The following CNTNAP2 variants were observed in gnomAD, a reference collection of about 807,000 sequenced individuals.
CNTNAP2 encodes the protein contactin associated protein 2.
A neutral mutation model predicts 155.2 loss-of-function variants in CNTNAP2; 98 were observed. That is an observed-to-expected ratio of 0.63 (90% CI 0.54 to 0.75). The LOEUF (loss-of-function observed/expected upper bound fraction) is 0.75, where lower values mean the gene tolerates loss of function less well. CNTNAP2 is among the 30% of genes least tolerant of loss of function. The pLI is 0.00. For missense variants in CNTNAP2, 1,727 were observed against 1,688.1 expected, an observed-to-expected ratio of 1.02 and a Z score of -0.40; for synonymous variants, 651 against 631.2, an observed-to-expected ratio of 1.03 and a Z score of -0.47.
rs1175888434 is a variant in CNTNAP2, at chr7:148,164,611, C to CTT, written c.2774-7605_2774-7604dup. 4.9e-3 allele frequency among the ~76,000 whole-genome samples: 457 copies of CTT among 93,568 alleles called. 10 individuals carry two copies. Among genetic ancestry groups the CTT allele is most frequent in the African/African-American group, 6.1e-3 (109 of 17,792 alleles). 61.4% of individuals were successfully genotyped at this position (93,568 alleles called of 152,430 possible). ...TAACTCTGTGCTTTCTTTTCTCTCT[C>CTT]TTTTTTTTTTTTTTTTTTTTTTTTT... On this transcript the variant is annotated intron_variant, in intron 17 of 23. Transcript: ENST00000361727.
intron 8 of CNTNAP2, among the ~76,000 whole-genome samples, chr7:147,247,456 T>G (rs1804092460): frequency 6.6e-6 from 1 of 152,232 alleles, no homozygotes; most frequent in South Asian, 2.1e-4. Flanking sequence ...TTCCCATTAT[T>G]TCTTATCTAT....
At chr7:147,001,388 C>T (rs944647307) in intron 3 of CNTNAP2, among the ~76,000 whole-genome samples, 5 of 151,928 alleles carry the variant, frequency 3.3e-5, no homozygotes, top group African/African-American at 1.2e-4. Flanking sequence ...ACACTTAAAA[C>T]AGACACGCAT....
chr7:148,262,536 C>G (rs1438000431), intron 20 of CNTNAP2, among the ~76,000 whole-genome samples: 1 of 152,110 alleles, frequency 6.6e-6, no homozygotes, highest in Non-Finnish European at 1.5e-5. Context: ...TTCTCAGCTT[C>G]TAAGAGTCTC....
chr7:147,251,187 T>C (rs565069271), intron 8 of CNTNAP2, among the ~76,000 whole-genome samples: 5 of 152,226 alleles, frequency 3.3e-5, no homozygotes, highest in Non-Finnish European at 5.9e-5. Context: ...ATTTCACCAA[T>C]TGGAAACTGC....
chr7:147,990,386 CTAAGAGTATT>C (rs1358874838), intron 15 of CNTNAP2, among the ~76,000 whole-genome samples: 1 of 152,150 alleles, frequency 6.6e-6, no homozygotes, highest in African/African-American at 2.4e-5. Context: ...CTCTTACAGA[CTAAGAGTATT>C]TAAGGGTTTT....
intron 1 of CNTNAP2, among the ~76,000 whole-genome samples, chr7:146,765,348 T>C (rs1427973534): frequency 6.6e-6 from 1 of 152,196 alleles, no homozygotes; most frequent in Non-Finnish European, 1.5e-5. Flanking sequence ...TGTAAGATCA[T>C]GGGATGAAGC....
intron 9 of CNTNAP2, among the ~76,000 whole-genome samples, chr7:147,359,980 A>T (rs1313184573): frequency 6.6e-6 from 1 of 152,124 alleles, no homozygotes; most frequent in Non-Finnish European, 1.5e-5. Flanking sequence ...AAGTTCAAAG[A>T]ATTTTGTCTG....
At chr7:147,952,508 T>C (rs1202614932) in intron 14 of CNTNAP2, among the ~76,000 whole-genome samples, 1 of 152,066 alleles carries the variant, frequency 6.6e-6, no homozygotes, top group African/African-American at 2.4e-5. Flanking sequence ...CATAGTATTT[T>C]GGCACATTAA....
intron 8 of CNTNAP2, among the ~76,000 whole-genome samples, chr7:147,190,815 A>AT (rs1802664841): frequency 6.6e-6 from 1 of 152,200 alleles, no homozygotes; most frequent in Non-Finnish European, 1.5e-5. Context: ...TCACTGTAAC[A>AT]TTATACTTAC....
At chr7:147,766,160 A>G (rs1172051326) in intron 13 of CNTNAP2, among the ~76,000 whole-genome samples, 2 of 152,196 alleles carry the variant, frequency 1.3e-5, no homozygotes, top group East Asian at 3.8e-4. Flanking sequence ...ACACAGATGT[A>G]TGCATTTATC....
intron 3 of CNTNAP2, among the ~76,000 whole-genome samples, chr7:146,931,751 G>C (rs1028069410): frequency 6.7e-6 from 1 of 148,474 alleles, no homozygotes; most frequent in South Asian, 2.2e-4. Flanking sequence ...ATGATAAAGG[G>C]GATATCACCA....
chr7:147,931,553 A>T (rs1008600856), intron 14 of CNTNAP2, among the ~76,000 whole-genome samples: 11 of 152,232 alleles, frequency 7.2e-5, no homozygotes, highest in African/African-American at 2.7e-4. Flanking sequence ...ATAAAATACT[A>T]GCAAACCAAA....
intron 1 of CNTNAP2, among the ~76,000 whole-genome samples, chr7:146,135,083 A>G (rs1797777561): frequency 6.6e-6 from 1 of 152,134 alleles, no homozygotes; most frequent in African/African-American, 2.4e-5. Flanking sequence ...ATGCTCCCAG[A>G]TGATGCTAAT....
intron 21 of CNTNAP2, among the ~76,000 whole-genome samples, chr7:148,335,390 T>C (rs1049437591): frequency 5.3e-5 from 8 of 152,202 alleles, no homozygotes; most frequent in African/African-American, 1.7e-4. Context: ...AGTCTCCTGC[T>C]GTTGCTGAGT....
chr7:147,799,392 G>A (rs979949309), intron 13 of CNTNAP2, among the ~76,000 whole-genome samples: 3 of 152,152 alleles, frequency 2.0e-5, no homozygotes, highest in Non-Finnish European at 4.4e-5. Context: ...CATTTGTCAT[G>A]CAGGGAGGTA....
intron 1 of CNTNAP2, among the ~76,000 whole-genome samples, chr7:146,150,734 A>G (rs1406965860): frequency 1.3e-5 from 2 of 152,034 alleles, no homozygotes; most frequent in African/African-American, 2.4e-5. Context: ...AATCTACTAC[A>G]TTTTTTGAAT....
chr7:148,149,991 C>A (rs191345197), intron 17 of CNTNAP2, among the ~76,000 whole-genome samples: 1 of 151,180 alleles, frequency 6.6e-6, no homozygotes, highest in African/African-American at 2.4e-5. Flanking sequence ...ATTCCTGTCA[C>A]CTTAAAGGGA....
intron 3 of CNTNAP2, among the ~76,000 whole-genome samples, chr7:146,896,410 A>AT (rs578262307): frequency 1.6e-3 from 246 of 150,380 alleles, no homozygotes; most frequent in East Asian, 7.0e-3. Flanking sequence ...CCACGTGTAC[A>AT]TTTTTTTTTC....
In CNTNAP2 at chr7:148,037,813, T is replaced by C. The variant is rs572238471; in HGVS notation, c.2383+59824T>C. ...AGGAAAAAAACATAGTATACACAGA[T>C]GATTCTTGATTTACAATGTTTTGAC... On this transcript the variant is annotated intron_variant, in intron 15 of 23. Coordinates refer to ENST00000361727, the MANE Select transcript of CNTNAP2 (RefSeq NM_014141.6). Among the ~76,000 whole-genome samples, 507 of 152,384 alleles carry C rather than the reference T, an allele frequency of 3.3e-3. 5 individuals carry two copies. The highest frequency in any genetic ancestry group is 0.011 in the African/African-American group (443 of 41,594).
Sources: allele counts gnomAD v4.1 joint callset (sites outside exome capture counted in the v4.1 genomes callset), GRCh38; gene constraint gnomAD v4.1.1; transcripts MANE v1.5; gene names NCBI Gene and HGNC (gene_info 2026-07-23, HGNC 2026-07-21).